Variants in DLGAP2 observed in about 807,000 individuals in gnomAD.
DLGAP2 encodes DLG associated protein 2, also known as disks large-associated protein 2.
In DLGAP2, 26 loss-of-function variants were observed where a neutral mutation model predicts 100.3. The observed-to-expected ratio is 0.26, with a 90% CI of 0.19 to 0.36. DLGAP2 has a LOEUF of 0.36. Ranked by LOEUF, DLGAP2 falls within the 10% of genes least tolerant of loss-of-function variation. The pLI is 1.00. For missense variants in DLGAP2, 1,858 were observed against 1,453.2 expected (o/e 1.28, Z -4.53); for synonymous variants, 886 against 630.1 (o/e 1.41, Z -6.08).
Position 1,654,063 on chromosome 8 carries a change from C to A in DLGAP2, c.1811-14266C>A, listed in dbSNP as rs539239727. The stretch of plus-strand genomic sequence containing the variant: ...CATGTGCATGGTAAAAATAAACTCT[C>A]ATCATCAAATAAAATACCACCTACA... On this transcript the variant is annotated intron_variant, in intron 8 of 14. Coordinates refer to ENST00000637795, the MANE Select transcript of DLGAP2 (RefSeq NM_001346810.2). Among the ~76,000 whole-genome samples the A allele has an allele frequency of 4.6e-5, 7 of 152,326 alleles. No homozygotes were observed. The South Asian group carries it at 1.2e-3, about 27-fold the overall frequency.
intron 2 of DLGAP2, among the ~76,000 whole-genome samples, chr8:1,244,004 GCC>G (rs1393269964): frequency 3.3e-5 from 5 of 152,066 alleles, no homozygotes; most frequent in South Asian, 2.1e-4. Context: ...CCAGCTCCCA[GCC>G]TCTGCACTCC....
intron 3 of DLGAP2, among the ~76,000 whole-genome samples, chr8:1,282,233 T>C (rs1799832366): frequency 9.1e-6 from 1 of 110,462 alleles, no homozygotes; most frequent in African/African-American, 3.0e-5. Context: ...CCCTGAACCA[T>C]CAGGACATGG....
In DLGAP2 at chr8:1,411,158, C is replaced by T. The variant is rs769797320; in HGVS notation, c.107-90208C>T. 3.4e-4 allele frequency among the ~76,000 whole-genome samples: 52 copies of T among 152,084 alleles called. 1 individual carries two copies. The highest frequency in any genetic ancestry group is 4.6e-4 in the Admixed American group (7 of 15,274). On this transcript the variant is annotated intron_variant, in intron 3 of 14. Coordinates refer to ENST00000637795, the MANE Select transcript of DLGAP2 (RefSeq NM_001346810.2). ...CCCAACATCTCCTAATTAAAATCGT[C>T]GTATGTTAATTGCTCTGCTTAACTA...
chr8:865,373 G>A (rs989625768), intron 1 of DLGAP2, among the ~76,000 whole-genome samples: 1 of 152,218 alleles, frequency 6.6e-6, no homozygotes, highest in African/African-American at 2.4e-5. Flanking sequence ...GAGAAGATGG[G>A]TTTTAAGATT....
chr8:980,419 C>T (rs1438516761), intron 2 of DLGAP2, among the ~76,000 whole-genome samples: 1 of 152,226 alleles, frequency 6.6e-6, no homozygotes, highest in Non-Finnish European at 1.5e-5. Flanking sequence ...TCAACTATTG[C>T]AGTTAAACTG....
chr8:845,212 C>T (rs557580394), intron 1 of DLGAP2, among the ~76,000 whole-genome samples: 4 of 152,258 alleles, frequency 2.6e-5, no homozygotes, highest in East Asian at 1.9e-4. Flanking sequence ...ATTTTCAGGA[C>T]GTTTCAGACT....
chr8:793,528 G>C (rs1394321066), intron 1 of DLGAP2, among the ~76,000 whole-genome samples: 1 of 152,110 alleles, frequency 6.6e-6, no homozygotes, highest in Non-Finnish European at 1.5e-5. Flanking sequence ...TCAAGATCTG[G>C]TGGCTTCTCT....
At chr8:1,218,972 G>T (rs1366076914) in intron 2 of DLGAP2, among the ~76,000 whole-genome samples, 4 of 152,070 alleles carry the variant, frequency 2.6e-5, no homozygotes, top group African/African-American at 9.7e-5. Context: ...TGTACACTGA[G>T]TTTATATCCT....
In DLGAP2 at chr8:1,568,898, C is replaced by G. The variant is rs1217020968; in HGVS notation, c.1442+3004C>G. ...ACACAAATCCATCTCTGCCTGCGGC[C>G]CCCATGCCACTGCCCACTCAGCAGA... On this transcript the variant is annotated intron_variant, in intron 6 of 14. Transcript: ENST00000637795. Among the ~76,000 whole-genome samples the G allele has an allele frequency of 7.9e-5, 6 of 76,336 alleles. 1 individual carries two copies. Among genetic ancestry groups the G allele is most frequent in the African/African-American group, 2.7e-4 (6 of 22,250 alleles). 50.1% of individuals were successfully genotyped at this position (76,336 alleles called of 152,430 possible).
chr8:1,009,614 GT>G (rs1801218224), intron 2 of DLGAP2, among the ~76,000 whole-genome samples: 1 of 152,206 alleles, frequency 6.6e-6, no homozygotes, highest in Admixed American at 6.5e-5. Context: ...TCTTGTTTCA[GT>G]TGGAAGCAGA....
At chr8:1,466,644 T>G (rs566736238) in intron 3 of DLGAP2, among the ~76,000 whole-genome samples, 1 of 152,216 alleles carries the variant, frequency 6.6e-6, no homozygotes, top group African/African-American at 2.4e-5. Context: ...AGTAGTAACA[T>G]TTTGGATTAA....
chr8:1,586,816 A>C (rs1796135599), intron 6 of DLGAP2, among the ~76,000 whole-genome samples: 1 of 152,194 alleles, frequency 6.6e-6, no homozygotes, highest in Non-Finnish European at 1.5e-5. Context: ...GCGAATGCTC[A>C]ACCACCAGTC....
chr8:971,444 C>A (rs1297085868), intron 2 of DLGAP2, among the ~76,000 whole-genome samples: 1 of 152,174 alleles, frequency 6.6e-6, no homozygotes, highest in Non-Finnish European at 1.5e-5. Flanking sequence ...GAGCAACCAG[C>A]AGATGGATGC....
chr8:1,302,169 G>C (rs1268768484), intron 3 of DLGAP2: 2 of 152,050 alleles, frequency 1.3e-5, no homozygotes, highest in African/African-American at 2.4e-5. Context: ...GTGAGTTCCC[G>C]AGCTCTGCTC....
chr8:1,000,605 C>T (rs1331824073), intron 2 of DLGAP2, among the ~76,000 whole-genome samples: 2 of 152,168 alleles, frequency 1.3e-5, no homozygotes, highest in Non-Finnish European at 2.9e-5. Flanking sequence ...GTTCCATTTA[C>T]GGATGCATTT....
In DLGAP2 at chr8:826,105, C is replaced by T. The variant is rs534485613; in HGVS notation, c.19-81807C>T. Among the ~76,000 whole-genome samples, 7 of 152,372 alleles carry T rather than the reference C, an allele frequency of 4.6e-5. No individual in the cohort carries two copies. The South Asian group carries it at 1.2e-3, about 27-fold the overall frequency. On this transcript the variant is annotated intron_variant, in intron 1 of 14. Transcript: ENST00000637795. Reference sequence around the variant, plus strand: ...ATCTTTCTGTGCCCAGCTTATTTCACATAACACAATCAACTCCAGTTCCAT... The same window carrying T: ...ATCTTTCTGTGCCCAGCTTATTTCATATAACACAATCAACTCCAGTTCCAT...
intron 3 of DLGAP2, among the ~76,000 whole-genome samples, chr8:1,316,235 A>C (rs1303371393): frequency 2.3e-5 from 3 of 127,858 alleles, no homozygotes; most frequent in African/African-American, 8.7e-5. Context: ...AGTGGTCTAC[A>C]CTCGAGAAAC....
chr8:1,424,347 G>T lies in DLGAP2; in HGVS notation c.107-77019G>T, dbSNP rs149197859. Among the ~76,000 whole-genome samples, 372 of 152,310 alleles carry T rather than the reference G, an allele frequency of 2.4e-3. 3 individuals carry two copies. The highest frequency in any genetic ancestry group is 8.7e-3 in the African/African-American group (362 of 41,570). ...GTATCAAGGGCCCACTATGAGCCAA[G>T]CCCCTTGTTACACATTTTTCTCATT... On this transcript the variant is annotated intron_variant, in intron 3 of 14. Coordinates refer to ENST00000637795, the MANE Select transcript of DLGAP2 (RefSeq NM_001346810.2).
At chr8:1,120,701 G>C (rs889457107) in intron 2 of DLGAP2, among the ~76,000 whole-genome samples, 1 of 151,230 alleles carries the variant, frequency 6.6e-6, no homozygotes. Context: ...GGTATCTTTA[G>C]AATCCGTTAC....
Sources: allele counts gnomAD v4.1 joint callset (sites outside exome capture counted in the v4.1 genomes callset), GRCh38; gene constraint gnomAD v4.1.1; transcripts MANE v1.5; gene names NCBI Gene and HGNC (gene_info 2026-07-23, HGNC 2026-07-21).